Variants in KCNH7 observed in about 807,000 individuals in gnomAD.
KCNH7 encodes potassium voltage-gated channel subfamily H member 7.
A neutral mutation model predicts 120.8 loss-of-function variants in KCNH7; 49 were observed. That is an observed-to-expected ratio of 0.41 (90% CI 0.32 to 0.51). The LOEUF (loss-of-function observed/expected upper bound fraction) is 0.51, where lower values mean the gene tolerates loss of function less well. Among genes scored for constraint, KCNH7 ranks in the 20% least tolerant of loss-of-function variants. KCNH7 has a pLI of 0.38. For synonymous variants in KCNH7, 547 were observed against 516.1 expected, an observed-to-expected ratio of 1.06 and a Z score of -0.81; for missense variants, 1,097 against 1,446.6, an observed-to-expected ratio of 0.76 and a Z score of 3.92.
intron 2 of KCNH7, among the ~76,000 whole-genome samples, chr2:162,560,758 T>A (rs1369403764): frequency 1.3e-5 from 2 of 152,244 alleles, no homozygotes; most frequent in Non-Finnish European, 2.9e-5. Flanking sequence ...ACTGATGTGC[T>A]TTCATGAACT....
intron 2 of KCNH7, among the ~76,000 whole-genome samples, chr2:162,666,942 A>G (rs1295950440): frequency 6.6e-6 from 1 of 150,982 alleles, no homozygotes. Context: ...TCTTATTTGC[A>G]TATTTTCTCT....
At chr2:162,730,423 T>C (rs1307655088) in intron 2 of KCNH7, among the ~76,000 whole-genome samples, 3 of 151,148 alleles carry the variant, frequency 2.0e-5, no homozygotes, top group Non-Finnish European at 4.4e-5. Flanking sequence ...AATGCACAAA[T>C]AGTATTAGAA....
At chr2:162,635,179 A>T (rs1683911488) in intron 2 of KCNH7, among the ~76,000 whole-genome samples, 1 of 152,086 alleles carries the variant, frequency 6.6e-6, no homozygotes, top group Non-Finnish European at 1.5e-5. Context: ...CATAATCTGC[A>T]GTTGCTTTAT....
chr2:162,777,115 C>T (rs1304850794), intron 2 of KCNH7, among the ~76,000 whole-genome samples: 3 of 152,066 alleles, frequency 2.0e-5, no homozygotes, highest in African/African-American at 7.2e-5. Flanking sequence ...TTCCTGGAAT[C>T]CCTAGGATTA....
intron 9 of KCNH7, among the ~76,000 whole-genome samples, chr2:162,420,147 C>A (rs1023202678): frequency 2.0e-5 from 3 of 152,000 alleles, no homozygotes; most frequent in African/African-American, 7.2e-5. Flanking sequence ...GAGGCCAAGG[C>A]GGCAGATCAC....
intron 2 of KCNH7, among the ~76,000 whole-genome samples, chr2:162,832,452 C>T (rs1315598474): frequency 6.6e-6 from 1 of 152,054 alleles, no homozygotes; most frequent in Non-Finnish European, 1.5e-5. Flanking sequence ...AGAAGATACA[C>T]ATAAGCATGT....
intron 2 of KCNH7, among the ~76,000 whole-genome samples, chr2:162,722,018 A>G (rs1183398254): frequency 1.3e-5 from 2 of 152,106 alleles, no homozygotes; most frequent in African/African-American, 4.8e-5. Context: ...TAATCATGAC[A>G]TACTTCTTTA....
Position 162,371,759 on chromosome 2 carries a change from T to C in KCNH7, c.*70A>G. 1 of 1,414,558 alleles carries C rather than the reference T, an allele frequency of 7.1e-7. No homozygotes were observed. The highest frequency in any genetic ancestry group is 1.4e-5 in the African/African-American group (1 of 69,966). 87.6% of individuals were successfully genotyped at this position (1,414,558 alleles called of 1,614,324 possible). A position where few individuals can be genotyped will look rare whatever the true frequency, so the allele number is the denominator to read the frequency against. ...GAGCCCCTGAGTCAAGTAGAGAGGA[T>C]TTAAATAGAAAAAGGAAAACAGCCA... On this transcript the variant is annotated 3_prime_UTR_variant, in exon 16 of 16. Coordinates refer to ENST00000332142, the MANE Select transcript of KCNH7 (RefSeq NM_033272.4).
intron 2 of KCNH7, among the ~76,000 whole-genome samples, chr2:162,746,557 T>C (rs1260353683): frequency 1.3e-5 from 2 of 152,044 alleles, no homozygotes; most frequent in East Asian, 3.9e-4. Flanking sequence ...TTCCCTGACA[T>C]AATAAATCAC....
chr2:162,453,122 A>C (rs1233489988), intron 6 of KCNH7, among the ~76,000 whole-genome samples: 2 of 151,866 alleles, frequency 1.3e-5, no homozygotes, highest in Non-Finnish European at 2.9e-5. Flanking sequence ...CCCCTACCCC[A>C]ACAGGCCTCT....
At chr2:162,462,251 T>C (rs1374671700) in intron 6 of KCNH7, among the ~76,000 whole-genome samples, 2 of 152,092 alleles carry the variant, frequency 1.3e-5, no homozygotes, top group African/African-American at 4.8e-5. Context: ...TGTGTGTATG[T>C]ATGTGAGCAA....
At chr2:162,484,824 C>T (rs931951184) in intron 6 of KCNH7, among the ~76,000 whole-genome samples, 10 of 152,232 alleles carry the variant, frequency 6.6e-5, no homozygotes, top group Admixed American at 2.0e-4. Flanking sequence ...CTGTTGCTTC[C>T]TCTCTCACCA....
Position 162,548,256 on chromosome 2 carries a change from G to A in KCNH7, c.308-11176C>T, listed in dbSNP as rs557717026. Among the ~76,000 whole-genome samples the A allele has an allele frequency of 6.0e-4, 91 of 152,274 alleles. 1 individual carries two copies. The South Asian group carries it at 0.018, about 31-fold the overall frequency. On this transcript the variant is annotated intron_variant, in intron 2 of 15. Coordinates refer to ENST00000332142, the MANE Select transcript of KCNH7 (RefSeq NM_033272.4). ...CCCTTCTCCCAGGCTTGGACACAAG[G>A]CCTTGCAGCAGGTAGCTGCTACAGA...
At chr2:162,647,051 C>T (rs1574216342) in intron 2 of KCNH7, among the ~76,000 whole-genome samples, 1 of 152,118 alleles carries the variant, frequency 6.6e-6, no homozygotes, top group South Asian at 2.1e-4. Flanking sequence ...GTCAGTAGTA[C>T]CAATAAATAC....
rs1237861100 is a variant in KCNH7, at chr2:162,836,609, T to C, written c.235A>G (p.Ile79Val). The C allele has an allele frequency of 6.2e-7, 1 of 1,614,062 alleles. No homozygotes were observed. Among genetic ancestry groups the C allele is most frequent in the Non-Finnish European group, 8.5e-7 (1 of 1,180,052 alleles). ...AGCAATGCCTGGGCAATTTGGGCAA[T>C]ATCATGCCTCTTGGTCTCGGGTCCA... ...LHGPETKRHD[I>V]AQIAQALLGS... Residue 79 changes from isoleucine (I) to valine (V), a missense_variant, in exon 2 of 16, where the codon ATT becomes GTT. Ile to Val is a conservative substitution (Grantham distance 29). Around this residue, in one of 8 missense-constraint regions of KCNH7, gnomAD observed 57 missense variants for 116.2 expected, o/e 0.49. Coordinates refer to ENST00000332142, the MANE Select transcript of KCNH7 (RefSeq NM_033272.4).
At chr2:162,373,333 C>G in intron 15 of KCNH7, 137 bp downstream of exon 15, 1 of 515,784 alleles carries the variant, frequency 1.9e-6, no homozygotes, top group South Asian at 8.1e-5. Flanking sequence ...GGCCCATTTC[C>G]AGAAATTCTA....
At chr2:162,836,510 A>G (rs750061154) in intron 2 of KCNH7, 27 bp downstream of exon 2, 1 of 1,568,420 alleles carries the variant, frequency 6.4e-7, no homozygotes, top group Admixed American at 1.7e-5. Flanking sequence ...GATCAAATAG[A>G]AGGAATCCTA....
chr2:162,435,153 G>A (rs759033244), intron 8 of KCNH7, 45 bp downstream of exon 8: 1 of 1,471,132 alleles, frequency 6.8e-7, no homozygotes. Flanking sequence ...TTAATTTCAA[G>A]GTATTATTCT....
intron 13 of KCNH7, among the ~76,000 whole-genome samples, chr2:162,380,267 T>C (rs1298946598): frequency 6.6e-6 from 1 of 152,094 alleles, no homozygotes; most frequent in Non-Finnish European, 1.5e-5. Context: ...TCCTGAGTGT[T>C]TAGGATTTTG....
Sources: allele counts gnomAD v4.1 joint callset (sites outside exome capture counted in the v4.1 genomes callset), GRCh38; gene constraint gnomAD v4.1.1; regional missense constraint gnomAD v4.1.1; transcripts MANE v1.5; gene names NCBI Gene and HGNC (gene_info 2026-07-23, HGNC 2026-07-21).